Variants in KIAA1671 observed in about 807,000 individuals in gnomAD.
KIAA1671 encodes KIAA1671.
Under a neutral mutation model 131.2 loss-of-function variants are expected in KIAA1671, and 52 were observed. The ratio of observed to expected loss-of-function variants is 0.40; its 90% CI spans 0.32 to 0.50. The LOEUF (loss-of-function observed/expected upper bound fraction) is 0.50, where lower values mean the gene tolerates loss of function less well. KIAA1671 is among the 20% of genes least tolerant of loss of function. The pLI is 0.73. For missense variants in KIAA1671, 2,360 were observed against 2,364.2 expected (o/e 1.00, Z 0.04); for synonymous variants, 1,003 against 961.6 (o/e 1.04, Z -0.80).
chr22:25,028,310 A>G lies in KIAA1671; in HGVS notation c.311A>G (p.Lys104Arg), dbSNP rs1926068649. The change falls in exon 3 of 13, where the codon AAG (lysine) becomes AGG (arginine). Residue 104 changes from lysine (K) to arginine (R), a missense_variant. This residue lies in a region of KIAA1671 where 1,185 missense variants were observed against 1,126.2 expected (regional missense o/e 1.05). Transcript: ENST00000358431. Reference protein sequence around the residue: ...SGGLSEEPAAKDLDNRMPGLV... With the variant: ...SGGLSEEPAARDLDNRMPGLV... ...GGGCTCTCTGAGGAGCCAGCAGCAA[A>G]GGATCTGGACAACAGGATGCCCGGC... 11 of 1,551,014 alleles carry G rather than the reference A, an allele frequency of 7.1e-6. No homozygotes were observed. The highest frequency in any genetic ancestry group is 9.6e-6 in the Non-Finnish European group (11 of 1,147,006).
rs1921489770 is a variant in KIAA1671 at position 24,952,994 on chromosome 22, G to T, written c.-208+222G>T. Among the ~76,000 whole-genome samples the T allele has an allele frequency of 6.6e-6, 1 of 152,234 alleles. No homozygotes were observed. The highest frequency in any genetic ancestry group is 2.4e-5 in the African/African-American group (1 of 41,484). On this transcript the variant is annotated intron_variant, in intron 1 of 12. Coordinates refer to ENST00000358431, the MANE Select transcript of KIAA1671 (RefSeq NM_001145206.2). This position sits in a 1 kb window ranked among gnomAD's most constrained non-coding sequence, Gnocchi z 4.5. Reference sequence around the variant, plus strand: ...AGGGAGGGAGGATCCCGGTTTGGGAGCCGGGGAATCCGTCTCCCGAGACTT... The same window carrying T: ...AGGGAGGGAGGATCCCGGTTTGGGATCCGGGGAATCCGTCTCCCGAGACTT...
chr22:25,181,973 C>G (rs1479771703), intron 10 of KIAA1671, 150 bp downstream of exon 10: 3 of 750,488 alleles, frequency 4.0e-6, no homozygotes, highest in Non-Finnish European at 6.1e-6. Flanking sequence ...ATCAGGAGAT[C>G]GAGACCATCC....
chr22:25,014,205 A>G (rs1489170748), intron 1 of KIAA1671: 1 of 152,224 alleles, frequency 6.6e-6, no homozygotes, highest in Non-Finnish European at 1.5e-5. Flanking sequence ...GAATACGATG[A>G]AAGCTGTAGA....
chr22:25,083,566 CAG>C (rs1392731688), intron 6 of KIAA1671, among the ~76,000 whole-genome samples: 5 of 152,180 alleles, frequency 3.3e-5, no homozygotes, highest in African/African-American at 1.2e-4. Context: ...AAACAAGGCT[CAG>C]AGAGGTTAAC....
chr22:25,039,641 C>T lies in KIAA1671; in HGVS notation c.2511C>T (p.Val837=). The stretch of plus-strand genomic sequence containing the variant: ...GCTCGCACAAAGCCACCGTGGCAGT[C>T]AGCGAAGAGCACTGTGCTCCCGGGG... The part of the protein sequence containing the change: ...VVSSHKATVA[V]SEEHCAPGAT... Residue 837 remains valine (V), a synonymous_variant, in exon 5 of 13, where the codon GTC becomes GTT. Coordinates refer to ENST00000358431, the MANE Select transcript of KIAA1671 (RefSeq NM_001145206.2). The T allele has an allele frequency of 6.5e-7, 1 of 1,546,050 alleles. No homozygotes were observed. The highest frequency in any genetic ancestry group is 8.7e-7 in the Non-Finnish European group (1 of 1,142,900).
chr22:25,004,805 GC>G (rs1342620670), intron 1 of KIAA1671, among the ~76,000 whole-genome samples: 3 of 151,722 alleles, frequency 2.0e-5, no homozygotes, highest in Admixed American at 2.0e-4. Flanking sequence ...AATTAGCCGG[GC>G]GTGGTGGCGG....
intron 1 of KIAA1671, among the ~76,000 whole-genome samples, chr22:24,968,206 G>A (rs552966760): frequency 7.9e-5 from 12 of 152,248 alleles, no homozygotes; most frequent in Admixed American, 4.6e-4. Context: ...GAAGGGGGGC[G>A]GCGGGGCAGG....
intron 5 of KIAA1671, among the ~76,000 whole-genome samples, chr22:25,048,237 G>C (rs1289201593): frequency 6.6e-6 from 1 of 152,244 alleles, no homozygotes; most frequent in Non-Finnish European, 1.5e-5. Context: ...TGAGTGAGCA[G>C]TGGGATCTCC....
At chr22:25,093,718 CACACACACACACACACA>C (rs1930143123) in intron 6 of KIAA1671, among the ~76,000 whole-genome samples, 1 of 124,720 alleles carries the variant, frequency 8.0e-6, no homozygotes, top group African/African-American at 4.6e-5. Flanking sequence ...CACACACACA[CACACACACACACACACA>C]CACTCTCTCT....
intron 10 of KIAA1671, among the ~76,000 whole-genome samples, chr22:25,182,574 T>C (rs888728427): frequency 6.6e-6 from 1 of 152,294 alleles, no homozygotes; most frequent in East Asian, 1.9e-4. Flanking sequence ...CCATAGCACA[T>C]TGGCAAAATT....
intron 1 of KIAA1671, among the ~76,000 whole-genome samples, chr22:25,006,471 G>GC (rs533128980): frequency 1.4e-5 from 2 of 145,366 alleles, no homozygotes; most frequent in African/African-American, 5.6e-5. Context: ...CTGGTCGCCT[G>GC]GGGGGCGACC....
intron 6 of KIAA1671, among the ~76,000 whole-genome samples, chr22:25,146,175 T>A (rs1247285861): frequency 1.3e-5 from 2 of 152,172 alleles, no homozygotes; most frequent in African/African-American, 4.8e-5. Flanking sequence ...AATAATAATA[T>A]AAGTTCTAGT....
intron 6 of KIAA1671, chr22:25,060,177 T>A (rs957914996): frequency 2.6e-5 from 4 of 152,146 alleles, no homozygotes; most frequent in African/African-American, 9.7e-5. Flanking sequence ...GATCCTGATT[T>A]TATTTTATTT....
At chr22:24,956,107 A>G (rs1008835300) in intron 1 of KIAA1671, among the ~76,000 whole-genome samples, 1 of 152,202 alleles carries the variant, frequency 6.6e-6, no homozygotes, top group Non-Finnish European at 1.5e-5. Flanking sequence ...GTAGAGACCA[A>G]TGGTGTTGGA....
intron 6 of KIAA1671, among the ~76,000 whole-genome samples, chr22:25,105,819 TGGG>T (rs3062983): frequency 2.3e-3 from 319 of 137,314 alleles, no homozygotes; most frequent in Middle Eastern, 7.4e-3. Flanking sequence ...GGTATGAAGT[TGGG>T]GGGGGGGGGT....
At chr22:25,142,593 C>T (rs961181512) in intron 6 of KIAA1671, among the ~76,000 whole-genome samples, 7 of 152,114 alleles carry the variant, frequency 4.6e-5, no homozygotes, top group African/African-American at 1.7e-4. Context: ...ATGGATGGAC[C>T]GGGCATGGTG....
chr22:25,004,460 T>C (rs1205007940), intron 1 of KIAA1671, among the ~76,000 whole-genome samples: 2 of 152,198 alleles, frequency 1.3e-5, no homozygotes, highest in Non-Finnish European at 2.9e-5. Flanking sequence ...AAAATTTAAC[T>C]TTTATTGATT....
Position 25,142,175 on chromosome 22 carries a change from T to C in KIAA1671, c.4531-28645T>C, listed in dbSNP as rs375818953. Among the ~76,000 whole-genome samples, 124 of 152,104 alleles carry C rather than the reference T, an allele frequency of 8.2e-4. 1 individual carries two copies. In the South Asian group the frequency reaches 0.024, roughly 29 times the overall value. ...CAATTCCACACTAGCATCCTAGGGG[T>C]TGGGGGCACTGTGTACTTTAGCGGC... is the stretch of plus-strand genomic sequence containing the variant. On this transcript the variant is annotated intron_variant, in intron 6 of 12. Transcript: ENST00000358431.
intron 6 of KIAA1671, among the ~76,000 whole-genome samples, chr22:25,071,140 G>A (rs1401417958): frequency 6.6e-6 from 1 of 152,204 alleles, no homozygotes. Context: ...TGGGTTGTGT[G>A]ACATCCATCA....
Sources: allele counts gnomAD v4.1 joint callset (sites outside exome capture counted in the v4.1 genomes callset), GRCh38; gene constraint gnomAD v4.1.1; regional missense constraint gnomAD v4.1.1; non-coding constraint Gnocchi (gnomAD v3.1); transcripts MANE v1.5; gene names NCBI Gene and HGNC (gene_info 2026-07-23, HGNC 2026-07-21).